The following BTRC variants were observed in gnomAD, a reference collection of about 807,000 sequenced individuals.
The protein encoded by BTRC is beta-transducin repeat containing E3 ubiquitin protein ligase.
Under a neutral mutation model 85.5 loss-of-function variants are expected in BTRC, and 42 were observed. That is an observed-to-expected ratio of 0.49 (90% CI 0.38 to 0.64). The LOEUF (loss-of-function observed/expected upper bound fraction) is 0.64. Ranked by LOEUF, BTRC falls within the 30% of genes least tolerant of loss-of-function variation. BTRC has a pLI of 0.00. For synonymous variants in BTRC, 255 were observed against 263.3 expected, an observed-to-expected ratio of 0.97 and a Z score of 0.30; for missense variants, 594 against 743.5, an observed-to-expected ratio of 0.80 and a Z score of 2.34.
Position 101,486,570 on chromosome 10 carries a change from G to C in BTRC, c.324+7113G>C, listed in dbSNP as rs142428571. Among the ~76,000 whole-genome samples the C allele has an allele frequency of 3.7e-4, 56 of 152,268 alleles. 1 individual carries two copies. The East Asian group carries it at 9.8e-3, about 27-fold the overall frequency. ...CCATGTTTCCTCCTAATACTAAAGA[G>C]GGGAGGTGGGGAAAAGAGTGTGTGA... On this transcript the variant is annotated intron_variant, in intron 4 of 14. Coordinates refer to ENST00000370187, the MANE Select transcript of BTRC (RefSeq NM_033637.4).
intron 13 of BTRC, among the ~76,000 whole-genome samples, chr10:101,548,304 A>G (rs1210204385): frequency 6.6e-6 from 1 of 152,274 alleles, no homozygotes; most frequent in African/African-American, 2.4e-5. Context: ...GTTTTATAAT[A>G]GCCATAAACT....
At chr10:101,389,493 A>T (rs1367656462) in intron 1 of BTRC, among the ~76,000 whole-genome samples, 1 of 152,168 alleles carries the variant, frequency 6.6e-6, no homozygotes, top group South Asian at 2.1e-4. Context: ...ATGCATGGTA[A>T]ACTTTGTTGT....
chr10:101,534,186 A>G (rs1199040421), intron 9 of BTRC, among the ~76,000 whole-genome samples: 2 of 152,170 alleles, frequency 1.3e-5, no homozygotes, highest in African/African-American at 4.8e-5. Flanking sequence ...GCTTAGAATT[A>G]GAGTCATGGT....
At chr10:101,525,918 C>G (rs1427816204) in intron 5 of BTRC, 95 bp from the exon 6 acceptor site, 1 of 1,230,342 alleles carries the variant, frequency 8.1e-7, no homozygotes, top group African/African-American at 1.5e-5. Flanking sequence ...GCCTTCATAG[C>G]AGAACAAATG....
Position 101,543,216 on chromosome 10 carries a change from G to A in BTRC, c.1656+4845G>A, listed in dbSNP as rs191734716. On this transcript the variant is annotated intron_variant, in intron 13 of 14. Coordinates refer to ENST00000370187, the MANE Select transcript of BTRC (RefSeq NM_033637.4). ...TTAAGCTCTATTATTGGGTACCTGCGTGCTTAGGATTTTTGTCTTAGTGAT... is the reference window on the plus strand; with the variant it reads ...TTAAGCTCTATTATTGGGTACCTGCATGCTTAGGATTTTTGTCTTAGTGAT... Among the ~76,000 whole-genome samples the A allele has an allele frequency of 6.6e-5, 10 of 152,306 alleles. No individual in the cohort carries two copies. The South Asian group carries it at 8.3e-4, about 13-fold the overall frequency.
chr10:101,364,764 A>C (rs1942313649), intron 1 of BTRC: 1 of 152,158 alleles, frequency 6.6e-6, no homozygotes, highest in Non-Finnish European at 1.5e-5. Flanking sequence ...GTATTCTGAA[A>C]ATATACTAGT....
chr10:101,534,065 T>A (rs1215952092), intron 9 of BTRC, among the ~76,000 whole-genome samples: 1 of 152,098 alleles, frequency 6.6e-6, no homozygotes, highest in Non-Finnish European at 1.5e-5. Context: ...AAATATATAA[T>A]CACACAAAAT....
chr10:101,441,990 C>T (rs949953677), intron 2 of BTRC, among the ~76,000 whole-genome samples: 2 of 151,308 alleles, frequency 1.3e-5, no homozygotes, highest in African/African-American at 4.9e-5. Context: ...ATTGCATATA[C>T]TTCTTTGATT....
chr10:101,489,937 G>T (rs1300455119), intron 4 of BTRC, among the ~76,000 whole-genome samples: 1 of 152,110 alleles, frequency 6.6e-6, no homozygotes, highest in Non-Finnish European at 1.5e-5. Flanking sequence ...AAGTTAACAA[G>T]TCACCTTAAA....
Position 101,461,990 on chromosome 10 carries a change from G to T in BTRC, c.166G>T (p.Glu56Ter). The change falls in exon 3 of 15, where the codon GAG becomes TAG. Residue 56 changes from glutamate to a stop codon, truncating the protein, a stop_gained. Coordinates refer to ENST00000370187, the MANE Select transcript of BTRC (RefSeq NM_033637.4). LOFTEE classifies it high-confidence loss of function. Reference protein sequence around the residue: ...GALTAFQNSSEREDCNNGEPP... With the variant: ...GALTAFQNSS ...TTACTTTCTTTCACAGAATTCCTCAGAGAGAGAAGACTGTAATAATGGCGA... is the reference window on the plus strand; with the variant it reads ...TTACTTTCTTTCACAGAATTCCTCATAGAGAGAAGACTGTAATAATGGCGA... The T allele has an allele frequency of 1.2e-6, 2 of 1,609,688 alleles. No homozygotes were observed. Among genetic ancestry groups the T allele is most frequent in the Non-Finnish European group, 1.7e-6 (2 of 1,176,710 alleles).
chr10:101,449,382 T>C (rs975606906), intron 2 of BTRC, among the ~76,000 whole-genome samples: 1 of 152,056 alleles, frequency 6.6e-6, no homozygotes, highest in African/African-American at 2.4e-5. Flanking sequence ...TCAGTCCTAT[T>C]TTGATAAAAA....
chr10:101,532,164 T>C, intron 7 of BTRC, 131 bp from the exon 8 acceptor site: 2 of 862,526 alleles, frequency 2.3e-6, no homozygotes, highest in Non-Finnish European at 3.3e-6. Context: ...TTAAAGACAT[T>C]TTTTAGTTTT....
At chr10:101,366,858 A>T (rs1256541486) in intron 1 of BTRC, among the ~76,000 whole-genome samples, 1 of 23,812 alleles carries the variant, frequency 4.2e-5, no homozygotes, top group African/African-American at 2.1e-4. Context: ...ATTAATATAT[A>T]TTTATATATT....
chr10:101,371,660 A>G (rs899066774), intron 1 of BTRC, among the ~76,000 whole-genome samples: 12 of 152,334 alleles, frequency 7.9e-5, no homozygotes, highest in South Asian at 2.1e-4. Context: ...TTTGTTGTCA[A>G]TGGACACTTG....
chr10:101,390,334 A>ATT (rs530214648), intron 1 of BTRC, among the ~76,000 whole-genome samples: 7 of 128,138 alleles, frequency 5.5e-5, no homozygotes, highest in African/African-American at 8.5e-5. Flanking sequence ...TCCTGGTATG[A>ATT]TTTTTTTTTT....
rs1432251772 is a variant in BTRC, at chr10:101,557,004, A to G, written c.*3881A>G. ...TGTTAGCCCTCTGGGCACCAAGGAA[A>G]CTAACAGCTTTCTCAAAGCGGTGAC... On this transcript the variant is annotated 3_prime_UTR_variant, in exon 15 of 15. Transcript: ENST00000370187. 1 of 152,242 alleles carries G rather than the reference A, an allele frequency of 6.6e-6. No individual in the cohort carries two copies. Among genetic ancestry groups the G allele is most frequent in the Non-Finnish European group, 1.5e-5 (1 of 68,060 alleles). 9.4% of individuals were successfully genotyped at this position (152,242 alleles called of 1,614,324 possible). A position where few individuals can be genotyped will look rare whatever the true frequency, so the allele number is the denominator to read the frequency against.
chr10:101,433,915 C>T lies in BTRC; in HGVS notation c.156+3463C>T, dbSNP rs757105825. ...CCCCAAAGTGCTTTTGTTTATATGG[C>T]TTATATCTATTGATATTCACTATAT... is the stretch of plus-strand genomic sequence containing the variant. On this transcript the variant is annotated intron_variant, in intron 2 of 14. Transcript: ENST00000370187. 2.2e-4 allele frequency among the ~76,000 whole-genome samples: 33 copies of T among 151,740 alleles called. 1 individual carries two copies. The highest frequency in any genetic ancestry group is 1.7e-3 in the Admixed American group (26 of 15,234).
chr10:101,406,094 A>G (rs1464677698), intron 1 of BTRC, among the ~76,000 whole-genome samples: 1 of 151,458 alleles, frequency 6.6e-6, no homozygotes, highest in African/African-American at 2.4e-5. Context: ...TGAAATTGTT[A>G]GTAGTGGTAC....
At chr10:101,419,521 A>G (rs1012723835) in intron 1 of BTRC, among the ~76,000 whole-genome samples, 5 of 152,148 alleles carry the variant, frequency 3.3e-5, no homozygotes, top group African/African-American at 9.7e-5. Flanking sequence ...CTGAGCCTCA[A>G]TTCTTAGTTG....
Sources: gnomAD v4.1 joint callset for allele counts (sites outside exome capture counted in the v4.1 genomes callset) on GRCh38, gnomAD v4.1.1 for gene constraint, MANE v1.5 for transcripts, NCBI Gene and HGNC (gene_info 2026-07-23, HGNC 2026-07-21) for gene names.